Variants in SPPL3 observed in about 807,000 individuals in gnomAD.
SPPL3 encodes the protein signal peptide peptidase like 3, also known as signal peptide peptidase-like 3.
A neutral mutation model predicts 42.4 loss-of-function variants in SPPL3; 5 were observed. The ratio of observed to expected loss-of-function variants is 0.12; its 90% CI spans 0.06 to 0.25. SPPL3 has a LOEUF of 0.25. Among genes scored for constraint, SPPL3 ranks in the 10% least tolerant of loss-of-function variants. The probability of loss-of-function intolerance (pLI) is 1.00; values close to 1 mark genes in which losing one functional copy is unlikely to be tolerated. For missense variants in SPPL3, 235 were observed against 489.0 expected (o/e 0.48, Z 4.90); for synonymous variants, 195 against 181.8 (o/e 1.07, Z -0.58).
chr12:120,890,236 C>T (rs891158934), intron 1 of SPPL3, among the ~76,000 whole-genome samples: 3 of 151,666 alleles, frequency 2.0e-5, no homozygotes, highest in Non-Finnish European at 2.9e-5. Context: ...ACAACAAAAG[C>T]GAAATTCCAT....
intron 1 of SPPL3, among the ~76,000 whole-genome samples, chr12:120,875,875 C>T (rs1190533434): frequency 6.6e-6 from 1 of 152,000 alleles, no homozygotes; most frequent in African/African-American, 2.4e-5. Context: ...AATATAAATA[C>T]ACAGATTAAA....
chr12:120,769,111 C>T (rs1183791767), intron 6 of SPPL3, 52 bp from the exon 7 acceptor site: 12 of 1,405,650 alleles, frequency 8.5e-6, no homozygotes, highest in Non-Finnish European at 1.1e-5. Flanking sequence ...ACTCCAGGCT[C>T]ATCCTCTTTC....
At chr12:120,868,350 C>A (rs989890524) in intron 1 of SPPL3, among the ~76,000 whole-genome samples, 12 of 152,292 alleles carry the variant, frequency 7.9e-5, no homozygotes, top group South Asian at 4.1e-4. Flanking sequence ...AAGGTTAATA[C>A]AAAAGCAATA....
intron 1 of SPPL3, chr12:120,845,398 G>T: frequency 2.7e-6 from 1 of 375,098 alleles, no homozygotes; most frequent in South Asian, 2.7e-5. Flanking sequence ...AATCAGGCCT[G>T]TGTGTTCTGG....
At chr12:120,813,130 CTTT>C (rs200313853) in intron 1 of SPPL3, among the ~76,000 whole-genome samples, 1 of 149,472 alleles carries the variant, frequency 6.7e-6, no homozygotes, top group African/African-American at 2.5e-5. Flanking sequence ...AAAAGATTAT[CTTT>C]TTTTTTTAAG....
chr12:120,876,429 C>T (rs1020524537), intron 1 of SPPL3, among the ~76,000 whole-genome samples: 5 of 151,344 alleles, frequency 3.3e-5, no homozygotes, highest in South Asian at 2.1e-4. Context: ...CTGACTAACA[C>T]GGTGAAACCC....
chr12:120,887,756 T>C (rs1424693871), intron 1 of SPPL3, among the ~76,000 whole-genome samples: 1 of 152,198 alleles, frequency 6.6e-6, no homozygotes. Context: ...CTACTGCTTT[T>C]TTCCTCTACA....
chr12:120,795,600 C>T (rs1870070968), intron 2 of SPPL3, among the ~76,000 whole-genome samples: 1 of 152,118 alleles, frequency 6.6e-6, no homozygotes, highest in Non-Finnish European at 1.5e-5. Flanking sequence ...CATCTTTTCT[C>T]CTCTGTACCT....
At chr12:120,861,715 G>A (rs1426165329) in intron 1 of SPPL3, among the ~76,000 whole-genome samples, 1 of 152,144 alleles carries the variant, frequency 6.6e-6, no homozygotes, top group Non-Finnish European at 1.5e-5. Context: ...AAAATCATAT[G>A]CCTGAAATTG....
chr12:120,824,408 T>C (rs1294028168), intron 1 of SPPL3, among the ~76,000 whole-genome samples: 1 of 152,204 alleles, frequency 6.6e-6, no homozygotes, highest in Non-Finnish European at 1.5e-5. Flanking sequence ...TTTTCACTTA[T>C]ACTAAATACT....
intron 6 of SPPL3, among the ~76,000 whole-genome samples, chr12:120,781,555 G>GTTTTTTTTTTTT (rs527339173): frequency 4.8e-5 from 3 of 62,994 alleles, no homozygotes; most frequent in African/African-American, 2.1e-4. Context: ...TTATTGTTAC[G>GTTTTTTTTTTTT]TTTTTTTTTT....
chr12:120,804,593 A>G (rs1440797031), intron 2 of SPPL3, among the ~76,000 whole-genome samples: 2 of 152,190 alleles, frequency 1.3e-5, no homozygotes, highest in Non-Finnish European at 2.9e-5. Flanking sequence ...AAGATAGATA[A>G]TAACAAGTGT....
intron 1 of SPPL3, among the ~76,000 whole-genome samples, chr12:120,825,919 G>T (rs1871218059): frequency 7.1e-6 from 1 of 141,744 alleles, no homozygotes; most frequent in South Asian, 2.1e-4. Context: ...ACTATATTTT[G>T]AAAGAAGAAC....
chr12:120,787,275 A>G (rs1235959053), intron 3 of SPPL3, among the ~76,000 whole-genome samples: 3 of 152,226 alleles, frequency 2.0e-5, no homozygotes. Context: ...ATACATCTCC[A>G]TCAATCTTTA....
chr12:120,901,720 C>G (rs969663208), intron 1 of SPPL3, among the ~76,000 whole-genome samples: 1 of 152,100 alleles, frequency 6.6e-6, no homozygotes, highest in African/African-American at 2.4e-5. Flanking sequence ...GCTAAGCTCC[C>G]CGATTTCAAG....
intron 3 of SPPL3, among the ~76,000 whole-genome samples, chr12:120,787,016 A>G (rs1869743805): frequency 1.3e-5 from 2 of 152,250 alleles, no homozygotes; most frequent in Non-Finnish European, 2.9e-5. Context: ...ACATTCAATG[A>G]ACATGGCTAC....
At chr12:120,765,966 C>T (rs903683021) in intron 10 of SPPL3, among the ~76,000 whole-genome samples, 22 of 152,182 alleles carry the variant, frequency 1.4e-4, no homozygotes, top group African/African-American at 4.8e-4. Context: ...GCAGGAAGTA[C>T]CCTCAGCTGG....
intron 1 of SPPL3, among the ~76,000 whole-genome samples, chr12:120,866,396 AC>A (rs1566064553): frequency 1.3e-5 from 2 of 152,214 alleles, no homozygotes; most frequent in African/African-American, 4.8e-5. Context: ...AATTCCTATT[AC>A]GCAAGGTTGG....
intron 1 of SPPL3, among the ~76,000 whole-genome samples, chr12:120,868,087 G>T (rs1291615455): frequency 6.6e-6 from 1 of 152,080 alleles, no homozygotes; most frequent in Non-Finnish European, 1.5e-5. Context: ...AACACAGTGA[G>T]ACCTCATCTT....
Sources: allele counts gnomAD v4.1 joint callset (sites outside exome capture counted in the v4.1 genomes callset), GRCh38; gene constraint gnomAD v4.1.1; transcripts MANE v1.5; gene names NCBI Gene and HGNC (gene_info 2026-07-23, HGNC 2026-07-21).